Variants in PLEKHA2 observed in about 807,000 individuals in gnomAD.
PLEKHA2 encodes the protein pleckstrin homology domain containing A2.
Under a neutral mutation model 53.2 loss-of-function variants are expected in PLEKHA2, and 28 were observed. That is an observed-to-expected ratio of 0.53 (90% confidence interval 0.39 to 0.72). The LOEUF (loss-of-function observed/expected upper bound fraction) is 0.72. Among genes scored for constraint, PLEKHA2 ranks in the 30% least tolerant of loss-of-function variants. The probability of loss-of-function intolerance (pLI) is 0.00; values close to 1 mark genes in which losing one functional copy is unlikely to be tolerated. For missense variants in PLEKHA2, 426 were observed against 537.9 expected (o/e 0.79, Z 2.06); for synonymous variants, 193 against 196.4 (o/e 0.98, Z 0.14).
At position 38,971,968 on chromosome 8, in the gene PLEKHA2, G is replaced by A. The variant is rs1398627882; in HGVS notation, c.*2185G>A. On this transcript the variant is annotated 3_prime_UTR_variant, in exon 12 of 12. Coordinates refer to ENST00000617275, the MANE Select transcript of PLEKHA2 (RefSeq NM_021623.2). Reference sequence around the variant, plus strand: ...TCTCAAAAAAAAAATTATCTGATAGGTTACTATTGCTAAATTAATTGGCCA... The same window carrying A: ...TCTCAAAAAAAAAATTATCTGATAGATTACTATTGCTAAATTAATTGGCCA... The A allele has an allele frequency of 6.6e-6, 1 of 152,056 alleles. No individual in the cohort carries two copies. The highest frequency in any genetic ancestry group is 1.5e-5 in the Non-Finnish European group (1 of 68,002). The allele number at this position is 152,056 out of a possible 1,614,324, so 9.4% of individuals were successfully genotyped here. A position where few individuals can be genotyped will look rare whatever the true frequency, so the allele number is the denominator to read the frequency against.
chr8:38,960,489 CA>C (rs547001835), intron 10 of PLEKHA2, among the ~76,000 whole-genome samples: 2 of 148,254 alleles, frequency 1.3e-5, no homozygotes, highest in Non-Finnish European at 1.5e-5. Flanking sequence ...GACCTTGTCT[CA>C]AAAAAAAATG....
rs769535335 is a variant in PLEKHA2 at position 38,957,279 on chromosome 8, A to G, written c.774-44A>G. 6 of 1,500,564 alleles carry G rather than the reference A, an allele frequency of 4.0e-6. No individual in the cohort carries two copies. The South Asian group carries it at 6.8e-5, about 17-fold the overall frequency. 93.0% of individuals were successfully genotyped at this position (1,500,564 alleles called of 1,614,324 possible). On this transcript the variant is annotated intron_variant, in intron 9 of 11. Transcript: ENST00000617275. ...CTTAGGACATATCGAGTCCTCTCTGAGTATGTCAGCACGCCATAACATTCT... is the reference window on the plus strand; with the variant it reads ...CTTAGGACATATCGAGTCCTCTCTGGGTATGTCAGCACGCCATAACATTCT...
At position 38,950,896 on chromosome 8, in the gene PLEKHA2, G is replaced by A. The variant is rs762351539; in HGVS notation, c.392G>A (p.Ser131Asn). The A allele has an allele frequency of 6.2e-7, 1 of 1,614,000 alleles. No homozygotes were observed. Among genetic ancestry groups the A allele is most frequent in the South Asian group, 1.1e-5 (1 of 91,082 alleles). ...GLPMTTEVLK[S>N]LAAPPALEKK... ...CCCATGACCACTGAAGTTCTCAAGA[G>A]CTTAGCAGCTCCTCCAGCCCTGGAG... is the stretch of plus-strand genomic sequence containing the variant. The change falls in exon 6 of 12, where the codon AGC becomes AAC. Residue 131 changes from serine (S) to asparagine (N), a missense_variant. Ser to Asn is a conservative substitution (Grantham distance 46). Coordinates refer to ENST00000617275, the MANE Select transcript of PLEKHA2 (RefSeq NM_021623.2).
At chr8:38,946,073 C>A in intron 4 of PLEKHA2, 51 bp from the exon 5 acceptor site, 1 of 1,430,710 alleles carries the variant, frequency 7.0e-7, no homozygotes, top group Non-Finnish European at 9.7e-7. Context: ...TGTTGTATTG[C>A]TTGTATTCTG....
At chr8:38,950,793 T>C (rs1834819348) in intron 5 of PLEKHA2, 57 bp from the exon 6 acceptor site, 5 of 1,572,360 alleles carry the variant, frequency 3.2e-6, no homozygotes, top group African/African-American at 2.7e-5. Flanking sequence ...TGTTTTGGGC[T>C]CCCCATGTTT....
intron 11 of PLEKHA2, chr8:38,969,046 G>A (rs1001863192): frequency 1.3e-5 from 4 of 309,950 alleles, no homozygotes; most frequent in South Asian, 3.5e-5. Context: ...TTACAGGCAC[G>A]TGCCACCACG....
chr8:38,951,067 CA>C, intron 6 of PLEKHA2, 77 bp downstream of exon 6: 1 of 1,195,620 alleles, frequency 8.4e-7, no homozygotes, highest in Non-Finnish European at 1.1e-6. Context: ...GTGCTCGGAG[CA>C]CTGTACTGGG....
At position 38,942,279 on chromosome 8, in the gene PLEKHA2, C is replaced by T. The variant is rs902353607; in HGVS notation, c.199-1510C>T. On this transcript the variant is annotated intron_variant, in intron 3 of 11. Coordinates refer to ENST00000617275, the MANE Select transcript of PLEKHA2 (RefSeq NM_021623.2). ...ATTAGCTGGGTGTGGTGGTACACAC[C>T]TGTAGTCTAGCTACTCAGGAGGGTG... is the stretch of plus-strand genomic sequence containing the variant. 2.6e-5 allele frequency among the ~76,000 whole-genome samples: 4 copies of T among 152,052 alleles called. No individual in the cohort carries two copies. In the South Asian group the frequency reaches 8.3e-4, roughly 31 times the overall value.
At chr8:38,964,617 A>T (rs1018363983) in intron 10 of PLEKHA2, among the ~76,000 whole-genome samples, 6 of 152,102 alleles carry the variant, frequency 3.9e-5, no homozygotes, top group Non-Finnish European at 7.4e-5. Context: ...TTAGAGGACT[A>T]GGTGGGTGAA....
At chr8:38,944,793 A>C (rs1255524711) in intron 4 of PLEKHA2, among the ~76,000 whole-genome samples, 2 of 152,228 alleles carry the variant, frequency 1.3e-5, no homozygotes, top group African/African-American at 4.8e-5. Flanking sequence ...CAGAGATCCA[A>C]ACCATATCAA....
rs918116544 is a variant in PLEKHA2, at chr8:38,922,861, G to T, written c.141+4791G>T. 6.6e-6 allele frequency among the ~76,000 whole-genome samples: 1 copy of T among 152,174 alleles called. No individual in the cohort carries two copies. The highest frequency in any genetic ancestry group is 1.9e-4 in the East Asian group (1 of 5,196). On this transcript the variant is annotated intron_variant, in intron 2 of 11. Transcript: ENST00000617275. The surrounding 1 kb of genome is among the most constrained non-coding windows in gnomAD (Gnocchi z 4.0). ...CTGTTGTTACTCTTTGCTCATGGTT[G>T]TGCAGGTGGTAAATGCAGCGCTGGA... is the stretch of plus-strand genomic sequence containing the variant.
At chr8:38,905,881 T>G (rs1396893478) in intron 1 of PLEKHA2, among the ~76,000 whole-genome samples, 1 of 152,152 alleles carries the variant, frequency 6.6e-6, no homozygotes, top group African/African-American at 2.4e-5. Context: ...AGACAGGGTT[T>G]CACTGTGTTA....
At chr8:38,921,668 G>T (rs1380123744) in intron 2 of PLEKHA2, among the ~76,000 whole-genome samples, 5 of 152,232 alleles carry the variant, frequency 3.3e-5, no homozygotes, top group African/African-American at 1.2e-4. Flanking sequence ...TGCTAGCTGA[G>T]CTCTCAGGGT....
At chr8:38,923,707 TG>T (rs375938051) in intron 2 of PLEKHA2, among the ~76,000 whole-genome samples, 5 of 152,096 alleles carry the variant, frequency 3.3e-5, no homozygotes, top group African/African-American at 1.2e-4. Context: ...AACAGACAAT[TG>T]GGGTGGGGAG....
At position 38,918,023 on chromosome 8, in the gene PLEKHA2, C is replaced by T. The variant is rs1439090690; in HGVS notation, c.94C>T (p.Leu32=). 7 of 1,613,420 alleles carry T rather than the reference C, an allele frequency of 4.3e-6. No homozygotes were observed. The South Asian group carries it at 7.7e-5, about 18-fold the overall frequency. Residue 32 remains leucine, a synonymous_variant, in exon 2 of 12, where the codon CTG becomes TTG. Coordinates refer to ENST00000617275, the MANE Select transcript of PLEKHA2 (RefSeq NM_021623.2). ...CAAGTTTCTGCGGAGGTACTTCATT[C>T]TGGACACCCAGGCTAACTGCCTCCT... The part of the protein sequence containing the change: ...SGKFLRRYFI[L]DTQANCLLWY...
rs1471910213 is a variant in PLEKHA2 at position 38,971,579 on chromosome 8, C to G, written c.*1796C>G. Reference sequence around the variant, plus strand: ...TGATATCTCTTTAAATATTCCCTGACTCACGGAAAAGATGTCCTCTTTTGG... The same window carrying G: ...TGATATCTCTTTAAATATTCCCTGAGTCACGGAAAAGATGTCCTCTTTTGG... On this transcript the variant is annotated 3_prime_UTR_variant, in exon 12 of 12. Coordinates refer to ENST00000617275, the MANE Select transcript of PLEKHA2 (RefSeq NM_021623.2). The G allele has an allele frequency of 6.6e-6, 1 of 152,214 alleles. No homozygotes were observed. The highest frequency in any genetic ancestry group is 1.5e-5 in the Non-Finnish European group (1 of 68,038). The allele number at this position is 152,214 out of a possible 1,614,324, so 9.4% of individuals were successfully genotyped here.
chr8:38,905,601 TC>T (rs893269511), intron 1 of PLEKHA2, among the ~76,000 whole-genome samples: 7 of 147,600 alleles, frequency 4.7e-5, no homozygotes, highest in African/African-American at 1.5e-4. Flanking sequence ...CCATTTACGC[TC>T]CCCCCTCACC....
chr8:38,942,892 T>C (rs542885718), intron 3 of PLEKHA2, among the ~76,000 whole-genome samples: 55 of 152,298 alleles, frequency 3.6e-4, no homozygotes, highest in Non-Finnish European at 6.2e-4. Context: ...TATATAGGAA[T>C]GTTCTCCGAT....
chr8:38,918,434 TACAC>T (rs1205153858), intron 2 of PLEKHA2, among the ~76,000 whole-genome samples: 1 of 96,100 alleles, frequency 1.0e-5, no homozygotes, highest in Non-Finnish European at 2.1e-5. Flanking sequence ...ACACACACCA[TACAC>T]ACACACAACC....
Sources: gnomAD v4.1 joint callset for allele counts (sites outside exome capture counted in the v4.1 genomes callset) on GRCh38, gnomAD v4.1.1 for gene constraint, Gnocchi (gnomAD v3.1) non-coding constraint, MANE v1.5 for transcripts, NCBI Gene and HGNC (gene_info 2026-07-23, HGNC 2026-07-21) for gene names.